Variants in RGS6 observed in about 807,000 individuals in gnomAD.
RGS6 encodes regulator of G-protein signaling 6.
Under a neutral mutation model 78.5 loss-of-function variants are expected in RGS6, and 30 were observed. That is an observed-to-expected ratio of 0.38 (90% CI 0.29 to 0.52). The LOEUF is 0.52. Ranked by LOEUF, RGS6 falls within the 20% of genes least tolerant of loss-of-function variation. The pLI is 0.85. For missense variants in RGS6, 495 were observed against 609.7 expected (o/e 0.81, Z 1.98); for synonymous variants, 206 against 206.0 (o/e 1.00, Z 0.00).
chr14:71,962,883 TC>T (rs1334207650), intron 1 of RGS6, among the ~76,000 whole-genome samples: 1 of 152,218 alleles, frequency 6.6e-6, no homozygotes, highest in Non-Finnish European at 1.5e-5. Flanking sequence ...ATAAAATGTT[TC>T]CTGAATTTGT....
chr14:71,950,625 C>T (rs955050897), intron 1 of RGS6, among the ~76,000 whole-genome samples: 5 of 152,176 alleles, frequency 3.3e-5, no homozygotes, highest in African/African-American at 1.2e-4. Flanking sequence ...TCAGAGCGAA[C>T]AGGCAGCCTA....
chr14:72,584,045 A>G, the RGS6 span, among the ~76,000 whole-genome samples: 3 of 152,232 alleles, frequency 2.0e-5, no homozygotes, highest in African/African-American at 4.8e-5. Flanking sequence ...CAGGGGGTGC[A>G]TCTGGATTTC....
rs1555431755 is a variant in RGS6, at chr14:72,489,161, C to CCT, written c.855-5990_855-5989insTC. Among the ~76,000 whole-genome samples the CCT allele has an allele frequency of 1.7e-4, 26 of 149,902 alleles. 2 individuals are homozygous for CCT. Among genetic ancestry groups the CCT allele is most frequent in the Non-Finnish European group, 2.5e-4 (17 of 67,450 alleles). On this transcript the variant is annotated intron_variant, in intron 12 of 17. Transcript: ENST00000553525. ...GTCCTGGGAGGACAAAGGGGGCCCC[C>CCT]CCACCGGCTGTTTGCTCATCTCAGA... is the stretch of plus-strand genomic sequence containing the variant.
intron 3 of RGS6, among the ~76,000 whole-genome samples, chr14:72,380,887 C>T (rs754172312): frequency 3.9e-5 from 6 of 152,074 alleles, no homozygotes; most frequent in Admixed American, 1.3e-4. Context: ...TATTGCAGCA[C>T]TATTATATAG....
intron 2 of RGS6, among the ~76,000 whole-genome samples, chr14:72,005,238 T>C (rs111278471): frequency 9.8e-4 from 150 of 152,290 alleles, no homozygotes; most frequent in African/African-American, 3.5e-3. Context: ...GAGAAAAATA[T>C]CAGATGTTAA....
At chr14:71,907,830 CT>C in the RGS6 span, among the ~76,000 whole-genome samples, 2 of 152,098 alleles carry the variant, frequency 1.3e-5, no homozygotes, top group African/African-American at 4.8e-5. Flanking sequence ...TTGTGTTCGC[CT>C]TATCACCTGG....
intron 2 of RGS6, among the ~76,000 whole-genome samples, chr14:72,298,543 G>C (rs958818944): frequency 8.8e-5 from 13 of 147,116 alleles, no homozygotes; most frequent in Non-Finnish European, 1.8e-4. Context: ...CGCCTCCCGG[G>C]TTCACCCCAT....
the RGS6 span, among the ~76,000 whole-genome samples, chr14:72,621,285 T>A: frequency 6.6e-6 from 1 of 152,236 alleles, no homozygotes; most frequent in South Asian, 2.1e-4. Flanking sequence ...CTGCATCCAC[T>A]GTAGAGACTT....
At chr14:72,068,758 G>A (rs2094286395) in intron 2 of RGS6, among the ~76,000 whole-genome samples, 1 of 151,744 alleles carries the variant, frequency 6.6e-6, no homozygotes, top group South Asian at 2.1e-4. Flanking sequence ...GCCTCCCAAA[G>A]TGCTGGGATT....
At position 72,495,182 on chromosome 14, in the gene RGS6, A is replaced by C. The variant is rs1191701209; in HGVS notation, c.885A>C (p.Glu295Asp). 5.0e-6 allele frequency: 8 copies of C among 1,613,456 alleles called. No individual in the cohort carries two copies. Among genetic ancestry groups the C allele is most frequent in the Non-Finnish European group, 6.8e-6 (8 of 1,179,406 alleles). ...TTGCCTACACGGAACAATATGTGGA[A>C]TATGACCCTTTGATAACACCAGCTG... is the stretch of plus-strand genomic sequence containing the variant. ...SLIAYTEQYV[E>D]YDPLITPAEP... The change falls in exon 13 of 18, where the codon GAA becomes GAC. Residue 295 changes from glutamate (E) to aspartate (D), a missense_variant. Transcript: ENST00000553525.
At chr14:72,411,209 A>G (rs1302626554) in intron 3 of RGS6, among the ~76,000 whole-genome samples, 2 of 152,116 alleles carry the variant, frequency 1.3e-5, no homozygotes, top group African/African-American at 4.8e-5. Flanking sequence ...TGAGCATGGA[A>G]TGTTCTTGCA....
At chr14:72,211,376 G>C (rs1418653993) in intron 2 of RGS6, among the ~76,000 whole-genome samples, 1 of 152,148 alleles carries the variant, frequency 6.6e-6, no homozygotes, top group Non-Finnish European at 1.5e-5. Context: ...CATTGTTTTT[G>C]GGGAGTTATG....
intron 2 of RGS6, among the ~76,000 whole-genome samples, chr14:71,992,244 GCTGGTCTTGAACTC>G (rs1378829564): frequency 1.3e-5 from 2 of 152,264 alleles, no homozygotes; most frequent in Non-Finnish European, 2.9e-5. Flanking sequence ...TGTTGGCCAG[GCTGGTCTTGAACTC>G]CTGACCTCAA....
At chr14:72,126,665 T>C (rs1413919095) in intron 2 of RGS6, among the ~76,000 whole-genome samples, 1 of 152,230 alleles carries the variant, frequency 6.6e-6, no homozygotes, top group East Asian at 1.9e-4. Context: ...ACACTTGAGT[T>C]CTCTGTTTTG....
At chr14:71,975,679 G>A (rs991741039) in intron 2 of RGS6, among the ~76,000 whole-genome samples, 9 of 152,082 alleles carry the variant, frequency 5.9e-5, no homozygotes, top group Non-Finnish European at 7.4e-5. Context: ...GGATGGTCTC[G>A]ATCTCTTGAC....
At chr14:72,183,320 CTT>C (rs1339729589) in intron 2 of RGS6, among the ~76,000 whole-genome samples, 2 of 152,202 alleles carry the variant, frequency 1.3e-5, no homozygotes, top group Non-Finnish European at 2.9e-5. Context: ...TCTCTTCTGT[CTT>C]TTACATTCAC....
chr14:72,127,523 TG>T (rs2096226179), intron 2 of RGS6, among the ~76,000 whole-genome samples: 1 of 152,178 alleles, frequency 6.6e-6, no homozygotes, highest in Non-Finnish European at 1.5e-5. Context: ...AACACGTTAC[TG>T]ATTTAAAAAT....
intron 3 of RGS6, among the ~76,000 whole-genome samples, chr14:72,361,667 G>A (rs2081482160): frequency 6.6e-6 from 1 of 152,214 alleles, no homozygotes; most frequent in South Asian, 2.1e-4. Flanking sequence ...AGACTGAGCT[G>A]TGTGAATATT....
At chr14:72,432,366 A>G (rs1200869791) in intron 3 of RGS6, among the ~76,000 whole-genome samples, 1 of 152,228 alleles carries the variant, frequency 6.6e-6, no homozygotes, top group African/African-American at 2.4e-5. Context: ...AGTGAGGGAT[A>G]TCATTTAAGG....
Sources: gnomAD v4.1 joint callset for allele counts (sites outside exome capture counted in the v4.1 genomes callset) on GRCh38, gnomAD v4.1.1 for gene constraint, MANE v1.5 for transcripts, NCBI Gene and HGNC (gene_info 2026-07-23, HGNC 2026-07-21) for gene names.